ANG: variants seen among roughly 807,000 people sequenced by gnomAD.
ANG encodes angiogenin.
For missense variants in ANG, 178 were observed against 187.4 expected (o/e 0.95, Z 0.29); for synonymous variants, 74 against 73.8 (o/e 1.00, Z -0.02).
rs539098577 is a variant in ANG, at chr14:20,694,000, C to T, written c.436C>T (p.Arg146Cys). 7.4e-6 allele frequency: 12 copies of T among 1,614,060 alleles called. No individual in the cohort carries two copies. In the South Asian group the frequency reaches 7.7e-5, roughly 10 times the overall value. Residue 146 changes from arginine to cysteine, a missense_variant, in exon 2 of 2, where the codon CGT (arginine) becomes TGT (cysteine). Coordinates refer to ENST00000397990, the MANE Select transcript of ANG (RefSeq NM_001097577.3). Reference sequence around the variant, plus strand: ...CCACTTGGATCAGTCAATTTTCCGTCGTCCGTAACCAGCGGGCCCCTGGTC... The same window carrying T: ...CCACTTGGATCAGTCAATTTTCCGTTGTCCGTAACCAGCGGGCCCCTGGTC... ...PVHLDQSIFR[R>C]P
chr14:20,691,568 A>G (rs1886749286), intron 1 of ANG, among the ~76,000 whole-genome samples: 1 of 152,162 alleles, frequency 6.6e-6, no homozygotes, highest in Admixed American at 6.5e-5. Context: ...ACAATCATGT[A>G]CCTCTTTCTT....
At chr14:20,691,313 A>G (rs1886732975) in intron 1 of ANG, among the ~76,000 whole-genome samples, 1 of 152,244 alleles carries the variant, frequency 6.6e-6, no homozygotes, top group Admixed American at 6.5e-5. Flanking sequence ...TGTGTAAGGC[A>G]GACCTTTGAC....
intron 1 of ANG, among the ~76,000 whole-genome samples, chr14:20,692,408 C>T (rs145979665): frequency 6.6e-6 from 1 of 152,336 alleles, no homozygotes; most frequent in African/African-American, 2.4e-5. Flanking sequence ...CTGTCGTAAA[C>T]AATTTTATGG....
At position 20,693,698 on chromosome 14, in the gene ANG, G is replaced by A. The variant is rs954462835; in HGVS notation, c.134G>A (p.Arg45Gln). ...TQHYDAKPQG[R>Q]DDRYCESIMR... is the part of the protein sequence containing the mutation. ...CACTATGATGCCAAACCACAGGGCCGGGATGACAGATACTGTGAAAGCATC... is the reference window on the plus strand; with the variant it reads ...CACTATGATGCCAAACCACAGGGCCAGGATGACAGATACTGTGAAAGCATC... Residue 45 changes from arginine (R) to glutamine (Q), a missense_variant, in exon 2 of 2, where the codon CGG (arginine) becomes CAG (glutamine). Coordinates refer to ENST00000397990, the MANE Select transcript of ANG (RefSeq NM_001097577.3). 2.5e-6 allele frequency: 4 copies of A among 1,614,036 alleles called. No homozygotes were observed. The highest frequency in any genetic ancestry group is 2.2e-5 in the South Asian group (2 of 91,076).
chr14:20,690,192 G>A (rs1231261638), intron 1 of ANG, among the ~76,000 whole-genome samples: 58 of 126,726 alleles, frequency 4.6e-4, no homozygotes, highest in Middle Eastern at 9.9e-3. Flanking sequence ...TCCGCAGTCC[G>A]GCCTGGGCGA....
chr14:20,686,250 T>C (rs908477414), upstream of ANG, among the ~76,000 whole-genome samples: 1 of 152,090 alleles, frequency 6.6e-6, no homozygotes, highest in African/African-American at 2.4e-5. Flanking sequence ...CATGAGGCAC[T>C]CTAGTAATGT....
chr14:20,686,039 T>TAAA (rs11378368), upstream of ANG, among the ~76,000 whole-genome samples: 10 of 137,950 alleles, frequency 7.2e-5, no homozygotes, highest in African/African-American at 1.6e-4. Flanking sequence ...GACTCCGTCT[T>TAAA]AAAAAAAAAA....
In ANG at chr14:20,693,611, T is replaced by G. The variant is rs201878808; in HGVS notation, c.47T>G (p.Leu16Arg). The G allele has an allele frequency of 6.2e-7, 1 of 1,614,072 alleles. No individual in the cohort carries two copies. Among genetic ancestry groups the G allele is most frequent in the Non-Finnish European group, 8.5e-7 (1 of 1,180,048 alleles). The change falls in exon 2 of 2, where the codon CTG (leucine) becomes CGG (arginine). Residue 16 changes from leucine (L) to arginine (R), a missense_variant. Coordinates refer to ENST00000397990, the MANE Select transcript of ANG (RefSeq NM_001097577.3). Reference sequence around the variant, plus strand: ...TTGTTGTTGGTCTTCGTGCTGGGTCTGGGTCTGACCCCACCGACCCTGGCT... The same window carrying G: ...TTGTTGTTGGTCTTCGTGCTGGGTCGGGGTCTGACCCCACCGACCCTGGCT... ...GVLLLVFVLG[L>R]GLTPPTLAQD...
At position 20,693,956 on chromosome 14, in the gene ANG, G is replaced by C. The variant is rs1886966657; in HGVS notation, c.392G>C (p.Cys131Ser). The C allele has an allele frequency of 1.2e-6, 2 of 1,614,096 alleles. No homozygotes were observed. Among genetic ancestry groups the C allele is most frequent in the African/African-American group, 2.7e-5 (2 of 75,002 alleles). The change falls in exon 2 of 2, where the codon TGT (cysteine) becomes TCT (serine). Residue 131 changes from cysteine (C) to serine (S), a missense_variant. Cys to Ser is a moderately radical substitution (Grantham distance 112, BLOSUM62 -1). Coordinates refer to ENST00000397990, the MANE Select transcript of ANG (RefSeq NM_001097577.3). ...GGGTTCAGAAACGTTGTTGTTGCTT[G>C]TGAAAATGGCTTACCTGTCCACTTG... is the stretch of plus-strand genomic sequence containing the variant. ...TAGFRNVVVA[C>S]ENGLPVHLDQ... is the part of the protein sequence containing the mutation.
upstream of ANG, among the ~76,000 whole-genome samples, chr14:20,685,611 C>G (rs1300871455): frequency 6.6e-6 from 1 of 152,166 alleles, no homozygotes; most frequent in Non-Finnish European, 1.5e-5. Flanking sequence ...TCAAGCAATT[C>G]TTTTACTGAT....
intron 1 of ANG, among the ~76,000 whole-genome samples, chr14:20,691,263 T>C (rs2139013845): frequency 6.6e-6 from 1 of 152,360 alleles, no homozygotes; most frequent in South Asian, 2.1e-4. Context: ...TCCTGATTTC[T>C]GATTTCTGGG....
chr14:20,692,996 C>G (rs554631109), intron 1 of ANG, among the ~76,000 whole-genome samples: 1 of 151,928 alleles, frequency 6.6e-6, no homozygotes, highest in East Asian at 1.9e-4. Flanking sequence ...TACAGGCGCC[C>G]GCCACTACGC....
rs535311762 is a variant in ANG at position 20,693,932 on chromosome 14, G to C, written c.368G>C (p.Gly123Ala). The change falls in exon 2 of 2, where the codon GGG becomes GCG. Residue 123 changes from glycine to alanine, a missense_variant. Gly to Ala is a moderately conservative substitution (Grantham distance 60). Transcript: ENST00000397990. ...WPPCQYRATA[G>A]FRNVVVACEN... ...CCATGCCAGTACCGAGCCACAGCGG[G>C]GTTCAGAAACGTTGTTGTTGCTTGT... 6.1e-5 allele frequency: 99 copies of C among 1,614,062 alleles called. No homozygotes were observed. The Admixed American group carries it at 6.2e-4, about 10-fold the overall frequency.
chr14:20,693,631 C>T lies in ANG; in HGVS notation c.67C>T (p.Leu23=), dbSNP rs1188487589. ...VLGLGLTPPT[L]AQDNSRYTHF... Reference sequence around the variant, plus strand: ...GGGTCTGGGTCTGACCCCACCGACCCTGGCTCAGGATAACTCCAGGTACAC... The same window carrying T: ...GGGTCTGGGTCTGACCCCACCGACCTTGGCTCAGGATAACTCCAGGTACAC... Residue 23 remains leucine (L), a synonymous_variant, in exon 2 of 2, where the codon CTG becomes TTG. Transcript: ENST00000397990. 1 of 1,614,134 alleles carries T rather than the reference C, an allele frequency of 6.2e-7. No homozygotes were observed. The highest frequency in any genetic ancestry group is 8.5e-7 in the Non-Finnish European group (1 of 1,180,044).
rs1886955302 is a variant in ANG at position 20,693,870 on chromosome 14, C to G, written c.306C>G (p.Val102=). 6.2e-7 allele frequency: 1 copy of G among 1,614,110 alleles called. No individual in the cohort carries two copies. The highest frequency in any genetic ancestry group is 1.3e-5 in the African/African-American group (1 of 74,932). ...GAATAAGCAAGTCTTCTTTCCAGGT[C>G]ACCACTTGCAAGCTACATGGAGGTT... is the stretch of plus-strand genomic sequence containing the variant. ...NLRISKSSFQ[V]TTCKLHGGSP... The change falls in exon 2 of 2, where the codon GTC becomes GTG. Residue 102 remains valine (V), a synonymous_variant. Coordinates refer to ENST00000397990, the MANE Select transcript of ANG (RefSeq NM_001097577.3).
intron 1 of ANG, among the ~76,000 whole-genome samples, chr14:20,690,477 G>C (rs1479101559): frequency 1.3e-5 from 2 of 152,078 alleles, no homozygotes; most frequent in Non-Finnish European, 2.9e-5. Context: ...GAGGAATTTA[G>C]AGTTGAATAT....
chr14:20,691,925 A>G (rs1886772615), intron 1 of ANG, among the ~76,000 whole-genome samples: 1 of 152,130 alleles, frequency 6.6e-6, no homozygotes, highest in African/African-American at 2.4e-5. Flanking sequence ...GGCTAGCCAC[A>G]CCACAGGCCT....
At chr14:20,690,800 A>C (rs1886704879) in intron 1 of ANG, among the ~76,000 whole-genome samples, 1 of 152,246 alleles carries the variant, frequency 6.6e-6, no homozygotes, top group South Asian at 2.1e-4. Context: ...TAAGGGTTAT[A>C]ATAAGGCAAG....
intron 1 of ANG, among the ~76,000 whole-genome samples, chr14:20,693,042 T>C (rs567201782): frequency 6.6e-6 from 1 of 151,300 alleles, no homozygotes; most frequent in African/African-American, 2.4e-5. Context: ...AGAGACGGGG[T>C]TTCACCGTGG....
Sources: allele counts gnomAD v4.1 joint callset (sites outside exome capture counted in the v4.1 genomes callset), GRCh38; gene constraint gnomAD v4.1.1; transcripts MANE v1.5; gene names NCBI Gene and HGNC (gene_info 2026-07-23, HGNC 2026-07-21).